The following TANC2 variants were observed in gnomAD, a reference collection of about 807,000 sequenced individuals.
The protein encoded by TANC2 is tetratricopeptide repeat, ankyrin repeat and coiled-coil containing 2.
In TANC2, 26 loss-of-function variants were observed where a neutral mutation model predicts 210.5. The observed-to-expected ratio is 0.12, with a 90% CI of 0.09 to 0.17. TANC2 has a LOEUF of 0.17. Ranked by LOEUF, TANC2 falls within the 10% of genes least tolerant of loss-of-function variation. The pLI, the probability that TANC2 is intolerant of heterozygous loss-of-function variation, is 1.00. For synonymous variants in TANC2, 931 were observed against 967.1 expected (o/e 0.96, Z 0.69); for missense variants, 2,129 against 2,608.9 (o/e 0.82, Z 4.01).
At chr17:63,079,324 A>C (rs965271721) in intron 3 of TANC2, among the ~76,000 whole-genome samples, 3 of 152,172 alleles carry the variant, frequency 2.0e-5, no homozygotes, top group Admixed American at 2.0e-4. Flanking sequence ...TTTGGGGTAC[A>C]TAAAAAACAG....
intron 2 of TANC2, among the ~76,000 whole-genome samples, chr17:63,059,144 A>T (rs185936312): frequency 2.3e-4 from 35 of 151,886 alleles, no homozygotes; most frequent in Admixed American, 1.5e-3. Flanking sequence ...TGTTTTTTTT[A>T]AAATCTGTTA....
chr17:63,009,093 CAT>C (rs2033752652), intron 1 of TANC2, among the ~76,000 whole-genome samples: 1 of 151,814 alleles, frequency 6.6e-6, no homozygotes, highest in Non-Finnish European at 1.5e-5. Flanking sequence ...TATATTTAAA[CAT>C]AGTTAATTAT....
chr17:62,974,339 A>G (rs1338605268), intron 1 of TANC2, among the ~76,000 whole-genome samples: 1 of 152,104 alleles, frequency 6.6e-6, no homozygotes, highest in Admixed American at 6.6e-5. Context: ...GGAGAACAGC[A>G]TGTAGTAGAA....
At chr17:62,969,251 T>C (rs1014851782) in intron 1 of TANC2, among the ~76,000 whole-genome samples, 1 of 152,252 alleles carries the variant, frequency 6.6e-6, no homozygotes, top group African/African-American at 2.4e-5. Context: ...TTGTTATTTC[T>C]GTTTTACAGA....
chr17:63,196,306 A>T lies in TANC2; in HGVS notation c.582+2167A>T, dbSNP rs548905921. 3.3e-5 allele frequency among the ~76,000 whole-genome samples: 5 copies of T among 152,362 alleles called. 1 individual carries two copies. The South Asian group carries it at 6.2e-4, about 19-fold the overall frequency. Reference sequence around the variant, plus strand: ...GAACAATATTGTTGAGGGATTTTTTAAAATTGGGAGCAATAAAACATCTAT... The same window carrying T: ...GAACAATATTGTTGAGGGATTTTTTTAAATTGGGAGCAATAAAACATCTAT... On this transcript the variant is annotated intron_variant, in intron 6 of 27. Coordinates refer to ENST00000689528, the Ensembl canonical transcript of TANC2.
intron 7 of TANC2, among the ~76,000 whole-genome samples, chr17:63,223,332 C>A (rs535488363): frequency 1.3e-5 from 2 of 152,230 alleles, no homozygotes; most frequent in African/African-American, 4.8e-5. Flanking sequence ...TGAAAGAAAG[C>A]AGGTTTATTA....
At chr17:63,379,762 G>T in exon 15 of TANC2, 1 of 1,612,984 alleles carries the variant, frequency 6.2e-7, no homozygotes, top group Non-Finnish European at 8.5e-7. Context: ...CGCCAAGAGG[G>T]AAAACTAAAC....
At chr17:63,043,285 C>G (rs1369217312) in intron 2 of TANC2, among the ~76,000 whole-genome samples, 1 of 152,056 alleles carries the variant, frequency 6.6e-6, no homozygotes, top group East Asian at 1.9e-4. Context: ...AATGCCCCAT[C>G]ACTTAATGGG....
At chr17:63,344,717 TA>T (rs1429939923) in intron 12 of TANC2, among the ~76,000 whole-genome samples, 1 of 152,234 alleles carries the variant, frequency 6.6e-6, no homozygotes, top group Non-Finnish European at 1.5e-5. Flanking sequence ...AATGAAATTT[TA>T]AAACTACGTG....
chr17:63,345,949 G>A (rs982689416), intron 12 of TANC2, among the ~76,000 whole-genome samples: 1 of 152,072 alleles, frequency 6.6e-6, no homozygotes, highest in African/African-American at 2.4e-5. Context: ...ATAGATCAAT[G>A]GAACAGAATA....
At chr17:63,077,869 C>T (rs1046886626) in intron 3 of TANC2, among the ~76,000 whole-genome samples, 1 of 152,056 alleles carries the variant, frequency 6.6e-6, no homozygotes, top group African/African-American at 2.4e-5. Context: ...GCAAGTCTGA[C>T]CTGTGACTTT....
At chr17:63,268,875 T>C (rs1224748067) in intron 9 of TANC2, among the ~76,000 whole-genome samples, 3 of 152,204 alleles carry the variant, frequency 2.0e-5, no homozygotes, top group African/African-American at 4.8e-5. Flanking sequence ...TTGCTCAAAA[T>C]GAACCAAACT....
intron 4 of TANC2, among the ~76,000 whole-genome samples, chr17:63,129,089 A>G (rs189780329): frequency 8.5e-5 from 13 of 152,066 alleles, no homozygotes; most frequent in African/African-American, 3.1e-4. Flanking sequence ...TGCAGCCACA[A>G]TCTCCAGGGA....
chr17:63,227,991 G>A (rs1190188052), intron 7 of TANC2, among the ~76,000 whole-genome samples: 1 of 152,024 alleles, frequency 6.6e-6, no homozygotes, highest in African/African-American at 2.4e-5. Context: ...AGCCTTCCAG[G>A]TAGCTGGGAT....
At chr17:63,060,620 C>CA (rs57751440) in intron 2 of TANC2, among the ~76,000 whole-genome samples, 132 of 149,814 alleles carry the variant, frequency 8.8e-4, no homozygotes, top group Admixed American at 4.7e-3. Flanking sequence ...AACTCTGTCT[C>CA]AAAAAAAAAA....
chr17:63,070,365 T>G (rs533727717), intron 2 of TANC2, among the ~76,000 whole-genome samples: 32 of 152,264 alleles, frequency 2.1e-4, no homozygotes, highest in African/African-American at 7.5e-4. Context: ...TTTGGGAATT[T>G]TACATTTTAC....
chr17:63,051,918 G>C (rs538226606), intron 2 of TANC2, among the ~76,000 whole-genome samples: 1 of 152,250 alleles, frequency 6.6e-6, no homozygotes, highest in South Asian at 2.1e-4. Flanking sequence ...TGTATTTTCA[G>C]CTTATGATAT....
intron 2 of TANC2, among the ~76,000 whole-genome samples, chr17:63,030,333 C>T (rs1344106370): frequency 6.6e-6 from 1 of 152,092 alleles, no homozygotes; most frequent in African/African-American, 2.4e-5. Flanking sequence ...AGAATTCCAG[C>T]AGTAGAACAA....
At chr17:63,078,429 T>C (rs1041145126) in intron 3 of TANC2, among the ~76,000 whole-genome samples, 3 of 152,128 alleles carry the variant, frequency 2.0e-5, no homozygotes, top group Non-Finnish European at 4.4e-5. Context: ...TACTTTGTCC[T>C]TTATTATTTT....
Sources: gnomAD v4.1 joint callset for allele counts (sites outside exome capture counted in the v4.1 genomes callset) on GRCh38, gnomAD v4.1.1 for gene constraint, MANE v1.5 for transcripts, NCBI Gene and HGNC (gene_info 2026-07-23, HGNC 2026-07-21) for gene names.